Variants in KNTC1 observed in about 807,000 individuals in gnomAD.
KNTC1 encodes the protein kinetochore associated 1.
A neutral mutation model predicts 314.4 loss-of-function variants in KNTC1; 253 were observed. The ratio of observed to expected loss-of-function variants is 0.80; its 90% CI spans 0.73 to 0.89. The LOEUF is 0.89. KNTC1 is among the 40% of genes least tolerant of loss of function. The pLI is 0.00. For missense variants in KNTC1, 2,475 were observed against 2,572.9 expected (o/e 0.96, Z 0.82); for synonymous variants, 901 against 901.4 (o/e 1.00, Z 0.01).
intron 62 of KNTC1, 51 bp from the exon 63 acceptor site, chr12:122,624,547 C>T: frequency 7.3e-7 from 1 of 1,370,922 alleles, no homozygotes. Flanking sequence ...GGATTGTAGG[C>T]ACAAGGCACT....
intron 39 of KNTC1, 139 bp downstream of exon 39, chr12:122,588,013 T>C (rs1001654595): frequency 8.7e-6 from 6 of 692,704 alleles, no homozygotes; most frequent in African/African-American, 5.5e-5. Flanking sequence ...GAACATTTGT[T>C]GAGCATCTCT....
At chr12:122,597,499 G>C (rs1372811514) in intron 43 of KNTC1, 2 of 451,230 alleles carry the variant, frequency 4.4e-6, no homozygotes, top group Non-Finnish European at 8.2e-6. Context: ...TGTTCACCTT[G>C]GCCTCCCAAA....
chr12:122,608,768 T>G lies in KNTC1; in HGVS notation c.5497-616T>G, dbSNP rs576097469. 2.6e-5 allele frequency among the ~76,000 whole-genome samples: 4 copies of G among 152,236 alleles called. No homozygotes were observed. The South Asian group carries it at 8.3e-4, about 32-fold the overall frequency. On this transcript the variant is annotated intron_variant, in intron 51 of 63. Coordinates refer to ENST00000333479, the MANE Select transcript of KNTC1 (RefSeq NM_014708.6). The stretch of plus-strand genomic sequence containing the variant: ...GAGTCTTTTCCTTTTACAAATTATC[T>G]AATACGGGGCTGGGCAAGGTAGCTC...
intron 52 of KNTC1, 54 bp from the exon 53 acceptor site, chr12:122,610,768 T>A (rs1204265551): frequency 8.9e-7 from 1 of 1,129,590 alleles, no homozygotes; most frequent in East Asian, 2.4e-5. Context: ...GTCTGTTGTT[T>A]TGGTAATCCA....
chr12:122,588,586 T>C, intron 39 of KNTC1, 126 bp from the exon 40 acceptor site: 4 of 694,894 alleles, frequency 5.8e-6, no homozygotes, highest in Non-Finnish European at 6.6e-6. Context: ...TCTAGCACTA[T>C]AGGTTAAATT....
chr12:122,594,194 G>A, intron 42 of KNTC1, 82 bp from the exon 43 acceptor site: 1 of 768,926 alleles, frequency 1.3e-6, no homozygotes, highest in Admixed American at 2.3e-5. Context: ...ATACTAAGAA[G>A]GCAAGTCATG....
In KNTC1 at chr12:122,574,273, C is replaced by T; in HGVS notation, c.2284-9C>T. ...TTTTTAAAAAACATACATGTTTATC[C>T]CTTTTTAGGATTTACTGAATAGATG... On this transcript the variant is annotated splice_polypyrimidine_tract_variant and intron_variant, in intron 26 of 63. Coordinates refer to ENST00000333479, the MANE Select transcript of KNTC1 (RefSeq NM_014708.6). 1.3e-6 allele frequency: 2 copies of T among 1,531,646 alleles called. No individual in the cohort carries two copies. Among genetic ancestry groups the T allele is most frequent in the Non-Finnish European group, 1.8e-6 (2 of 1,115,886 alleles). 94.9% of individuals were successfully genotyped at this position (1,531,646 alleles called of 1,614,324 possible).
chr12:122,592,478 G>T (rs1023594637), intron 42 of KNTC1, among the ~76,000 whole-genome samples: 1 of 152,266 alleles, frequency 6.6e-6, no homozygotes, highest in Non-Finnish European at 1.5e-5. Context: ...GGTGAAGCCA[G>T]CTGGGCTCAT....
At chr12:122,592,096 C>G (rs1213315677) in intron 42 of KNTC1, among the ~76,000 whole-genome samples, 1 of 152,098 alleles carries the variant, frequency 6.6e-6, no homozygotes, top group East Asian at 1.9e-4. Context: ...TGGATGTGGG[C>G]TTGGCGGGCC....
chr12:122,551,723 A>G, intron 16 of KNTC1, 27 bp downstream of exon 16: 2 of 1,548,626 alleles, frequency 1.3e-6, no homozygotes, highest in Non-Finnish European at 1.8e-6. Flanking sequence ...TCATTTGTTC[A>G]CCAAACAAGC....
chr12:122,573,389 A>G, intron 26 of KNTC1, 104 bp downstream of exon 26: 2 of 1,033,002 alleles, frequency 1.9e-6, no homozygotes, highest in South Asian at 3.2e-5. Flanking sequence ...TCTCAGTAGG[A>G]CTCATGCAGC....
At chr12:122,573,315 T>C (rs1369037621) in intron 26 of KNTC1, 30 bp downstream of exon 26, 1 of 1,599,296 alleles carries the variant, frequency 6.3e-7, no homozygotes, top group Admixed American at 1.7e-5. Context: ...TAGTCTTATT[T>C]CTTGGATCTA....
chr12:122,582,045 G>A (rs1868479767), intron 33 of KNTC1, among the ~76,000 whole-genome samples: 1 of 152,120 alleles, frequency 6.6e-6, no homozygotes, highest in Non-Finnish European at 1.5e-5. Flanking sequence ...TCATATAAGT[G>A]GAATCATACA....
intron 4 of KNTC1, among the ~76,000 whole-genome samples, chr12:122,538,718 G>GT (rs111768448): frequency 0.024 from 3,614 of 152,202 alleles, 130 homozygotes; most frequent in African/African-American, 0.079. Flanking sequence ...AGGAAACAGC[G>GT]TATGGGAAAG....
intron 39 of KNTC1, among the ~76,000 whole-genome samples, chr12:122,588,209 A>G (rs1869647539): frequency 6.6e-6 from 1 of 152,232 alleles, no homozygotes; most frequent in Non-Finnish European, 1.5e-5. Flanking sequence ...AGTGTCCACT[A>G]TACCACATTT....
chr12:122,598,333 C>T (rs1440919857), intron 44 of KNTC1, among the ~76,000 whole-genome samples: 1 of 151,890 alleles, frequency 6.6e-6, no homozygotes, highest in Admixed American at 6.6e-5. Flanking sequence ...CATTATATGT[C>T]ATTACATACA....
Position 122,534,741 on chromosome 12 carries a change from G to C in KNTC1, c.207G>C (p.Leu69Phe). 46 of 1,611,934 alleles carry C rather than the reference G, an allele frequency of 2.9e-5. No individual in the cohort carries two copies. The highest frequency in any genetic ancestry group is 3.8e-5 in the Non-Finnish European group (45 of 1,178,460). ...FIIVADQSVI[L>F]LDSICRSLQL... ...TTGTAGCCGACCAATCAGTGATATTGCTTGACAGTATTTGTAGATCACTTC... is the reference window on the plus strand; with the variant it reads ...TTGTAGCCGACCAATCAGTGATATTCCTTGACAGTATTTGTAGATCACTTC... The change falls in exon 3 of 64, where the codon TTG becomes TTC. Residue 69 changes from leucine to phenylalanine, a missense_variant. Coordinates refer to ENST00000333479, the MANE Select transcript of KNTC1 (RefSeq NM_014708.6).
At position 122,534,701 on chromosome 12, in the gene KNTC1, G is replaced by C; in HGVS notation, c.167G>C (p.Ser56Thr). Reference sequence around the variant, plus strand: ...CCAAAGATACAGGCATGCAGCTTAAGTGATGGGTTTATTATTGTAGCCGAC... The same window carrying C: ...CCAAAGATACAGGCATGCAGCTTAACTGATGGGTTTATTATTGTAGCCGAC... The part of the protein sequence containing the change: ...LNPKIQACSL[S>T]DGFIIVADQS... Residue 56 changes from serine (S) to threonine (T), a missense_variant, in exon 3 of 64, where the codon AGT becomes ACT. Coordinates refer to ENST00000333479, the MANE Select transcript of KNTC1 (RefSeq NM_014708.6). The C allele has an allele frequency of 6.2e-7, 1 of 1,610,826 alleles. No individual in the cohort carries two copies. Among genetic ancestry groups the C allele is most frequent in the South Asian group, 1.1e-5 (1 of 90,652 alleles).
At chr12:122,613,979 G>A (rs141901920) in intron 55 of KNTC1, among the ~76,000 whole-genome samples, 19 of 152,144 alleles carry the variant, frequency 1.2e-4, no homozygotes, top group African/African-American at 4.3e-4. Context: ...ATAGGCGCCC[G>A]CCCACCACAC....
Sources: allele counts gnomAD v4.1 joint callset (sites outside exome capture counted in the v4.1 genomes callset), GRCh38; gene constraint gnomAD v4.1.1; transcripts MANE v1.5; gene names NCBI Gene and HGNC (gene_info 2026-07-23, HGNC 2026-07-21).